The following DBNL variants were observed in gnomAD, a reference collection of about 807,000 sequenced individuals.
DBNL encodes drebrin like.
In DBNL, 35 loss-of-function variants were observed where a neutral mutation model predicts 62.2. That is an observed-to-expected ratio of 0.56 (90% CI 0.43 to 0.75). DBNL has a LOEUF of 0.75. Among genes scored for constraint, DBNL ranks in the 30% least tolerant of loss-of-function variants. The probability of loss-of-function intolerance (pLI) is 0.00; values close to 1 mark genes in which losing one functional copy is unlikely to be tolerated. For missense variants in DBNL, 495 were observed against 578.4 expected (o/e 0.86, Z 1.48); for synonymous variants, 197 against 218.0 (o/e 0.90, Z 0.85).
In DBNL at chr7:44,061,948, G is replaced by C. The variant is rs1231657823; in HGVS notation, c.*1032G>C. ...TTCCTGCGTTCCAGTTCCTCTAGGA[G>C]AGGCCAAGGGCTGCCCTGCTCCCAG... is the stretch of plus-strand genomic sequence containing the variant. On this transcript the variant is annotated 3_prime_UTR_variant, in exon 13 of 13. Transcript: ENST00000448521. 8 of 152,506 alleles carry C rather than the reference G, an allele frequency of 5.2e-5. No individual in the cohort carries two copies. Among genetic ancestry groups the C allele is most frequent in the Admixed American group, 5.2e-4 (8 of 15,302 alleles). 9.4% of individuals were successfully genotyped at this position (152,506 alleles called of 1,614,324 possible).
In DBNL at chr7:44,067,114, G is replaced by A. The variant is rs1462151193; in HGVS notation, c.*6198G>A. Reference sequence around the variant, plus strand: ...AAGGAGAGGCCGGGGACAGCCCTGAGGTGACATGTGAGTGGAAAGAGCGGA... The same window carrying A: ...AAGGAGAGGCCGGGGACAGCCCTGAAGTGACATGTGAGTGGAAAGAGCGGA... On this transcript the variant is annotated 3_prime_UTR_variant, in exon 13 of 13. Transcript: ENST00000448521. The A allele has an allele frequency of 6.6e-6, 1 of 152,566 alleles. No individual in the cohort carries two copies. The highest frequency in any genetic ancestry group is 2.4e-5 in the African/African-American group (1 of 41,452). The allele number at this position is 152,566 out of a possible 1,614,324, so 9.5% of individuals were successfully genotyped here.
At chr7:44,050,353 G>A in intron 2 of DBNL, 73 bp downstream of exon 2, 2 of 1,551,926 alleles carry the variant, frequency 1.3e-6, no homozygotes, top group Non-Finnish European at 1.8e-6. Context: ...AGCGCACTCA[G>A]CTGTCTTGGT....
At chr7:44,047,359 A>T (rs965117846) in intron 1 of DBNL, among the ~76,000 whole-genome samples, 11 of 152,190 alleles carry the variant, frequency 7.2e-5, no homozygotes, top group Non-Finnish European at 1.6e-4. Flanking sequence ...TTGGTGGGTC[A>T]TAAGAGGTTT....
chr7:44,048,857 T>C (rs2096121704), intron 1 of DBNL, among the ~76,000 whole-genome samples: 2 of 152,174 alleles, frequency 1.3e-5, no homozygotes. Flanking sequence ...AGTTTTGTTT[T>C]TGTTTTTGTT....
chr7:44,048,922 A>G (rs2096121788), intron 1 of DBNL, among the ~76,000 whole-genome samples: 1 of 152,144 alleles, frequency 6.6e-6, no homozygotes, highest in African/African-American at 2.4e-5. Context: ...TGGCATCATC[A>G]TGGCTCACTG....
At chr7:44,052,072 TG>T in intron 3 of DBNL, 130 bp downstream of exon 3, 1 of 711,704 alleles carries the variant, frequency 1.4e-6, no homozygotes, top group Non-Finnish European at 2.4e-6. Flanking sequence ...AGCTCTGAGC[TG>T]GTGAATGAGC....
Position 44,064,999 on chromosome 7 carries a change from G to C in DBNL, c.*4083G>C. On this transcript the variant is annotated 3_prime_UTR_variant, in exon 13 of 13. Transcript: ENST00000448521. ...GGGGAGTTCCCCGGGCTTCAGGCCT[G>C]CGTACCGACGCTCCTGGGGGACACA... is the stretch of plus-strand genomic sequence containing the variant. 2 of 1,606,224 alleles carry C rather than the reference G, an allele frequency of 1.2e-6. No homozygotes were observed. Among genetic ancestry groups the C allele is most frequent in the Non-Finnish European group, 1.7e-6 (2 of 1,179,578 alleles).
At chr7:44,055,208 G>A (rs1418154815) in intron 4 of DBNL, among the ~76,000 whole-genome samples, 1 of 152,234 alleles carries the variant, frequency 6.6e-6, no homozygotes. Context: ...GCTCACGCCT[G>A]TAATCCCAGC....
At chr7:44,047,070 G>A (rs953804720) in intron 1 of DBNL, among the ~76,000 whole-genome samples, 39 of 152,332 alleles carry the variant, frequency 2.6e-4, no homozygotes, top group African/African-American at 8.9e-4. Flanking sequence ...CCTTCTCAGA[G>A]AGGCCTTCCT....
Position 44,060,474 on chromosome 7 carries a change from G to T in DBNL, c.1154-303G>T, listed in dbSNP as rs10951756. 0.11 allele frequency among the ~76,000 whole-genome samples: 16,838 copies of T among 152,138 alleles called. 1,219 individuals carry two copies. Among genetic ancestry groups the T allele is most frequent in the Admixed American group, 0.17 (2,627 of 15,290 alleles). Reference sequence around the variant, plus strand: ...AGGCCTGGATGCTGGTTCACCAGGCGTCCCTGGGTGGAGGCCTTGGAGAAT... The same window carrying T: ...AGGCCTGGATGCTGGTTCACCAGGCTTCCCTGGGTGGAGGCCTTGGAGAAT... On this transcript the variant is annotated intron_variant, in intron 12 of 12. Transcript: ENST00000448521. The surrounding 1 kb of genome is among the most constrained non-coding windows in gnomAD (Gnocchi z 6.3).
rs2128797827 is a variant in DBNL at position 44,069,157 on chromosome 7, A to G, written c.*8241A>G. 6.6e-6 allele frequency: 1 copy of G among 152,398 alleles called. No homozygotes were observed. Among genetic ancestry groups the G allele is most frequent in the South Asian group, 2.1e-4 (1 of 4,832 alleles). The allele number at this position is 152,398 out of a possible 1,614,324, so 9.4% of individuals were successfully genotyped here. A position where few individuals can be genotyped will look rare whatever the true frequency, so the allele number is the denominator to read the frequency against. ...AAAAAAATGTTAAACCAAGTTCTTC[A>G]GACAGAAGAGATTACTGGGGGCAAT... On this transcript the variant is annotated 3_prime_UTR_variant, in exon 13 of 13. Coordinates refer to ENST00000448521, the MANE Select transcript of DBNL (RefSeq NM_001014436.3).
At position 44,064,811 on chromosome 7, in the gene DBNL, G is replaced by T; in HGVS notation, c.*3895G>T. On this transcript the variant is annotated 3_prime_UTR_variant, in exon 13 of 13. Coordinates refer to ENST00000448521, the MANE Select transcript of DBNL (RefSeq NM_001014436.3). ...GGCTGCTGCCCACCCACCCTGCCCAGGCTCCTGAAGGTGGCCTCACCTTCC... is the reference window on the plus strand; with the variant it reads ...GGCTGCTGCCCACCCACCCTGCCCATGCTCCTGAAGGTGGCCTCACCTTCC... 6.3e-6 allele frequency: 4 copies of T among 635,910 alleles called. No homozygotes were observed. The highest frequency in any genetic ancestry group is 1.1e-5 in the Non-Finnish European group (4 of 361,676). The allele number at this position is 635,910 out of a possible 1,614,324, so 39.4% of individuals were successfully genotyped here.
chr7:44,067,693 A>G lies in DBNL; in HGVS notation c.*6777A>G, dbSNP rs1250813896. 1 of 152,338 alleles carries G rather than the reference A, an allele frequency of 6.6e-6. No homozygotes were observed. Among genetic ancestry groups the G allele is most frequent in the Admixed American group, 6.5e-5 (1 of 15,282 alleles). The allele number at this position is 152,338 out of a possible 1,614,324, so 9.4% of individuals were successfully genotyped here. ...TCAGGGCCTCCATCCAGGAAGGCAT[A>G]GCATGGTGGGCGGCGAGGAAGGCTG... On this transcript the variant is annotated 3_prime_UTR_variant, in exon 13 of 13. Coordinates refer to ENST00000448521, the MANE Select transcript of DBNL (RefSeq NM_001014436.3).
intron 4 of DBNL, among the ~76,000 whole-genome samples, chr7:44,055,085 A>C (rs1374466914): frequency 6.6e-6 from 1 of 152,184 alleles, no homozygotes; most frequent in African/African-American, 2.4e-5. Context: ...ATAGCGCTGA[A>C]CTTCAGAGTT....
Position 44,064,281 on chromosome 7 carries a change from G to T in DBNL, c.*3365G>T. ...CAGAGTCTGGCCACTCCATAGTCCT[G>T]CACCCCTCTTTTGATTGGTCTTTCC... is the stretch of plus-strand genomic sequence containing the variant. On this transcript the variant is annotated 3_prime_UTR_variant, in exon 13 of 13. Transcript: ENST00000448521. 1 of 182,946 alleles carries T rather than the reference G, an allele frequency of 5.5e-6. No homozygotes were observed. Among genetic ancestry groups the T allele is most frequent in the Non-Finnish European group, 1.2e-5 (1 of 86,106 alleles). The allele number at this position is 182,946 out of a possible 1,614,324, so 11.3% of individuals were successfully genotyped here.
At chr7:44,051,751 C>G (rs749757744) in intron 2 of DBNL, 79 bp from the exon 3 acceptor site, 1 of 1,351,356 alleles carries the variant, frequency 7.4e-7, no homozygotes, top group South Asian at 1.2e-5. Flanking sequence ...AGAAGCAGCT[C>G]GGCCTCCCTT....
At chr7:44,046,798 A>G (rs749248252) in intron 1 of DBNL, among the ~76,000 whole-genome samples, 2 of 152,216 alleles carry the variant, frequency 1.3e-5, no homozygotes, top group Non-Finnish European at 2.9e-5. Context: ...GTAACTCTAC[A>G]GTGGCTTCCT....
rs1234014263 is a variant in DBNL at position 44,047,914 on chromosome 7, T to G, written c.84-2311T>G. 1.1e-3 allele frequency among the ~76,000 whole-genome samples: 156 copies of G among 141,682 alleles called. 1 individual carries two copies. The highest frequency in any genetic ancestry group is 3.1e-3 in the African/African-American group (116 of 37,212). 92.9% of individuals were successfully genotyped at this position (141,682 alleles called of 152,430 possible). A position where few individuals can be genotyped will look rare whatever the true frequency, so the allele number is the denominator to read the frequency against. ...ATTATATTAGCTGCTGAGTCCCTTT[T>G]TTTTTTTTTTTTTTTTTTTGAGACA... is the stretch of plus-strand genomic sequence containing the variant. On this transcript the variant is annotated intron_variant, in intron 1 of 12. Transcript: ENST00000448521.
Position 44,065,238 on chromosome 7 carries a change from G to A in DBNL, c.*4322G>A, listed in dbSNP as rs1129639. On this transcript the variant is annotated 3_prime_UTR_variant, in exon 13 of 13. Coordinates refer to ENST00000448521, the MANE Select transcript of DBNL (RefSeq NM_001014436.3). Reference sequence around the variant, plus strand: ...TTGGCGGCCGTTTCTGCCTTGTTGAGGCCTGTGAGGCCCCCGTAATGCCGC... The same window carrying A: ...TTGGCGGCCGTTTCTGCCTTGTTGAAGCCTGTGAGGCCCCCGTAATGCCGC... The A allele has an allele frequency of 3.1e-6, 5 of 1,613,914 alleles. No individual in the cohort carries two copies. Among genetic ancestry groups the A allele is most frequent in the South Asian group, 1.1e-5 (1 of 91,086 alleles).
Sources: gnomAD v4.1 joint callset for allele counts (sites outside exome capture counted in the v4.1 genomes callset) on GRCh38, gnomAD v4.1.1 for gene constraint, Gnocchi (gnomAD v3.1) non-coding constraint, MANE v1.5 for transcripts, NCBI Gene and HGNC (gene_info 2026-07-23, HGNC 2026-07-21) for gene names.